ARAP2: variants seen among roughly 807,000 people sequenced by gnomAD.
ARAP2 encodes ArfGAP with RhoGAP domain, ankyrin repeat and PH domain 2, also known as arf-GAP with Rho-GAP domain, ANK repeat and PH domain-containing protein 2.
Under a neutral mutation model 194.5 loss-of-function variants are expected in ARAP2, and 148 were observed. The ratio of observed to expected loss-of-function variants is 0.76; its 90% CI spans 0.67 to 0.87. The LOEUF is 0.87. Ranked by LOEUF, ARAP2 falls within the 40% of genes least tolerant of loss-of-function variation. The pLI, the probability that ARAP2 is intolerant of heterozygous loss-of-function variation, is 0.00. For missense variants in ARAP2, 2,128 were observed against 1,989.7 expected (o/e 1.07, Z -1.32); for synonymous variants, 695 against 683.5 (o/e 1.02, Z -0.26).
intron 19 of ARAP2, among the ~76,000 whole-genome samples, chr4:36,138,113 C>T (rs1727280605): frequency 6.6e-6 from 1 of 151,670 alleles, no homozygotes. Flanking sequence ...TTTCTTTATA[C>T]TTCCTAAGCA....
In ARAP2 at chr4:36,158,776, A is replaced by C. The variant is rs771336229; in HGVS notation, c.2706T>G (p.Ala902=). Residue 902 remains alanine, a synonymous_variant, in exon 15 of 33, where the codon GCT becomes GCG. Transcript: ENST00000303965. ...AAGAGAGTTTAGAAGCAGCAGAAGG[A>C]GCTTGATATAAAAAGTCACAGAGGA... ...STFLCDFLYQ[A]PSAASKLSSE... 1 of 1,612,090 alleles carries C rather than the reference A, an allele frequency of 6.2e-7. No homozygotes were observed. Among genetic ancestry groups the C allele is most frequent in the East Asian group, 2.2e-5 (1 of 44,730 alleles).
At chr4:36,156,870 C>A (rs986859897) in intron 15 of ARAP2, among the ~76,000 whole-genome samples, 3 of 152,062 alleles carry the variant, frequency 2.0e-5, no homozygotes, top group African/African-American at 4.8e-5. Context: ...GGAAAAATAT[C>A]CCTAGTTAAA....
Position 36,121,214 on chromosome 4 carries a change from C to T in ARAP2, c.3859G>A (p.Glu1287Lys), listed in dbSNP as rs892782353. The change falls in exon 23 of 33, where the codon GAG becomes AAG. Residue 1287 changes from glutamate to lysine, a missense_variant. Physicochemically the swap from Glu to Lys is moderately conservative, Grantham distance 56. Transcript: ENST00000303965. ...GQTSEEVNVI[E>K]DLINNYVEIF... The stretch of plus-strand genomic sequence containing the variant: ...TCTACATAATTATTAATTAGGTCCT[C>T]AATTACATTCACTTCTTCACTAGTT... 1 of 1,603,348 alleles carries T rather than the reference C, an allele frequency of 6.2e-7. No individual in the cohort carries two copies.
intron 6 of ARAP2, among the ~76,000 whole-genome samples, chr4:36,197,491 G>C (rs903131164): frequency 2.6e-5 from 4 of 152,204 alleles, no homozygotes; most frequent in Admixed American, 1.3e-4. Context: ...TACTGTTGCA[G>C]GATCCTCAGG....
At chr4:36,045,681 TA>T (rs1409198362) in intron 5 of ARAP2, among the ~76,000 whole-genome samples, 1 of 152,148 alleles carries the variant, frequency 6.6e-6, no homozygotes, top group Non-Finnish European at 1.5e-5. Flanking sequence ...TCAAAATTGT[TA>T]AAAGAATCGA....
rs1740849868 is a variant in ARAP2, at chr4:36,187,544, G to A, written c.1585C>T (p.Leu529Phe). The A allele has an allele frequency of 6.4e-7, 1 of 1,564,630 alleles. No individual in the cohort carries two copies. The highest frequency in any genetic ancestry group is 1.4e-5 in the African/African-American group (1 of 72,404). The change falls in exon 8 of 33, where the codon CTT (leucine) becomes TTT (phenylalanine). Residue 529 changes from leucine (L) to phenylalanine (F), a missense_variant. Leu to Phe is a conservative substitution (Grantham distance 22). Coordinates refer to ENST00000303965, the MANE Select transcript of ARAP2 (RefSeq NM_015230.4). ...KEMYSKGIIPLSAISTVRVQG... is the reference protein window; with the variant it reads ...KEMYSKGIIPFSAISTVRVQG... ...ACTCGTACTGTTGATATAGCAGAAAGGGGAATTATTCCTTTCGAATACATC... is the reference window on the plus strand; with the variant it reads ...ACTCGTACTGTTGATATAGCAGAAAAGGGAATTATTCCTTTCGAATACATC...
chr4:36,096,459 C>T (rs781780547), intron 27 of ARAP2, among the ~76,000 whole-genome samples: 2 of 151,080 alleles, frequency 1.3e-5, no homozygotes, highest in Non-Finnish European at 2.9e-5. Flanking sequence ...AGCAAATACA[C>T]AAATGTTCAC....
intron 15 of ARAP2, among the ~76,000 whole-genome samples, chr4:36,152,512 C>T (rs959089042): frequency 1.3e-5 from 2 of 152,016 alleles, no homozygotes; most frequent in Non-Finnish European, 2.9e-5. Context: ...TTATTCAGTA[C>T]ATAGATAATC....
At chr4:36,187,801 G>A (rs1320407726) in intron 7 of ARAP2, among the ~76,000 whole-genome samples, 1 of 152,080 alleles carries the variant, frequency 6.6e-6, no homozygotes, top group East Asian at 1.9e-4. Flanking sequence ...CTCTTCATCT[G>A]GAATTAAAAG....
intron 2 of ARAP2, among the ~76,000 whole-genome samples, chr4:36,217,859 T>C (rs1381698786): frequency 6.6e-6 from 1 of 151,232 alleles, no homozygotes; most frequent in East Asian, 1.9e-4. Flanking sequence ...TAATACTAGA[T>C]AATACTAGAT....
At chr4:36,148,187 G>A (rs1292684215) in intron 17 of ARAP2, among the ~76,000 whole-genome samples, 1 of 152,088 alleles carries the variant, frequency 6.6e-6, no homozygotes, top group African/African-American at 2.4e-5. Context: ...GCCTTAATTT[G>A]AAGAATGATT....
At chr4:36,175,042 T>C (rs1737544918) in intron 9 of ARAP2, among the ~76,000 whole-genome samples, 2 of 152,084 alleles carry the variant, frequency 1.3e-5, no homozygotes, top group Non-Finnish European at 2.9e-5. Context: ...AATTTCATTA[T>C]TTTTTATTCT....
intron 9 of ARAP2, among the ~76,000 whole-genome samples, chr4:36,167,478 A>G (rs1735549448): frequency 6.6e-6 from 1 of 152,178 alleles, no homozygotes; most frequent in African/African-American, 2.4e-5. Flanking sequence ...AGAAGGTTAC[A>G]TGGAAAGTTC....
At chr4:36,062,227 G>A (rs1232579500), downstream of ARAP2, among the ~76,000 whole-genome samples, 1 of 152,074 alleles carries the variant, frequency 6.6e-6, no homozygotes. Flanking sequence ...TGCCCAGCCC[G>A]TTGTCCTAAA....
At chr4:36,104,960 G>A (rs908424323) in intron 27 of ARAP2, among the ~76,000 whole-genome samples, 1 of 151,934 alleles carries the variant, frequency 6.6e-6, no homozygotes, top group East Asian at 1.9e-4. Flanking sequence ...TGAGGTAGTA[G>A]GGATAGTTCA....
At chr4:36,086,570 T>C (rs973015210) in intron 28 of ARAP2, among the ~76,000 whole-genome samples, 6 of 152,142 alleles carry the variant, frequency 3.9e-5, no homozygotes, top group African/African-American at 1.2e-4. Context: ...CGCTTTACTG[T>C]TGGCTTATTA....
chr4:36,094,313 G>A lies in ARAP2; in HGVS notation c.4286-2293C>T, dbSNP rs563927691. ...CACATTATGTACTATCTGTGGCTGC[G>A]AACATGATACAGGGACAGAGCTGAG... On this transcript the variant is annotated intron_variant, in intron 27 of 32. Coordinates refer to ENST00000303965, the MANE Select transcript of ARAP2 (RefSeq NM_015230.4). Among the ~76,000 whole-genome samples the A allele has an allele frequency of 1.5e-4, 23 of 152,170 alleles. 1 individual carries two copies. Among genetic ancestry groups the A allele is most frequent in the African/African-American group, 4.8e-4 (20 of 41,536 alleles).
Position 36,100,272 on chromosome 4 carries a change from T to G in ARAP2, c.4285+7293A>C, listed in dbSNP as rs140201361. On this transcript the variant is annotated intron_variant, in intron 27 of 32. Transcript: ENST00000303965. The stretch of plus-strand genomic sequence containing the variant: ...TCACAGTAACTATGAACTATTGTTA[T>G]CTCTCACATATTATCTGATCAGTGA... 5.7e-3 allele frequency among the ~76,000 whole-genome samples: 860 copies of G among 152,152 alleles called. 4 individuals are homozygous for G. The highest frequency in any genetic ancestry group is 0.017 in the South Asian group (83 of 4,816).
At chr4:36,068,576 C>A (rs1481976147) in intron 32 of ARAP2, among the ~76,000 whole-genome samples, 1 of 152,166 alleles carries the variant, frequency 6.6e-6, no homozygotes, top group Non-Finnish European at 1.5e-5. Context: ...GAATTTCGAT[C>A]TTTTCCCCGG....
Sources: gnomAD v4.1 joint callset for allele counts (sites outside exome capture counted in the v4.1 genomes callset) on GRCh38, gnomAD v4.1.1 for gene constraint, MANE v1.5 for transcripts, NCBI Gene and HGNC (gene_info 2026-07-23, HGNC 2026-07-21) for gene names.